Variants in CACNA2D1 observed in about 807,000 individuals in gnomAD.
CACNA2D1 encodes the protein calcium voltage-gated channel auxiliary subunit alpha2delta 1, also known as voltage-dependent calcium channel subunit alpha-2/delta-1.
In CACNA2D1, 53 loss-of-function variants were observed where a neutral mutation model predicts 171.5. The observed-to-expected ratio is 0.31, with a 90% CI of 0.25 to 0.39. The LOEUF is 0.39. CACNA2D1 is among the 10% of genes least tolerant of loss of function. CACNA2D1 has a pLI of 1.00. For missense variants in CACNA2D1, 903 were observed against 1,299.8 expected, an observed-to-expected ratio of 0.69 and a Z score of 4.69; for synonymous variants, 442 against 443.1, an observed-to-expected ratio of 1.00 and a Z score of 0.03.
chr7:82,284,295 A>G (rs564248095), intron 3 of CACNA2D1, among the ~76,000 whole-genome samples: 25 of 152,330 alleles, frequency 1.6e-4, no homozygotes, highest in Non-Finnish European at 3.2e-4. Context: ...AAATATGAGC[A>G]TCACGTATCT....
At chr7:82,118,197 T>A (rs1231821458) in intron 5 of CACNA2D1, among the ~76,000 whole-genome samples, 1 of 152,160 alleles carries the variant, frequency 6.6e-6, no homozygotes, top group African/African-American at 2.4e-5. Context: ...TAATTTTCTA[T>A]CTATTGGAAC....
intron 10 of CACNA2D1, among the ~76,000 whole-genome samples, chr7:82,047,871 G>A (rs562096256): frequency 1.9e-4 from 29 of 152,232 alleles, no homozygotes; most frequent in Middle Eastern, 3.4e-3. Context: ...AACTAAAATC[G>A]GAATGCTGTC....
rs548477886 is a variant in CACNA2D1, at chr7:82,065,630, A to C, written c.728+825T>G. ...TCTAAATACAAGTCTTTGGAATCAA[A>C]CATTATGCTCTTGCAATTTGTCTGA... is the stretch of plus-strand genomic sequence containing the variant. On this transcript the variant is annotated intron_variant, in intron 8 of 38. Coordinates refer to ENST00000356860, the MANE Select transcript of CACNA2D1 (RefSeq NM_000722.4). Among the ~76,000 whole-genome samples the C allele has an allele frequency of 2.3e-4, 35 of 152,334 alleles. 1 individual carries two copies. In the South Asian group the frequency reaches 6.2e-3, roughly 27 times the overall value.
chr7:82,328,533 C>T (rs1816916591), intron 3 of CACNA2D1, among the ~76,000 whole-genome samples: 1 of 152,020 alleles, frequency 6.6e-6, no homozygotes, highest in African/African-American at 2.4e-5. Context: ...TCCTTCTGTC[C>T]CAAGTGAAAT....
chr7:82,197,641 G>A (rs892396296), intron 3 of CACNA2D1, among the ~76,000 whole-genome samples: 3 of 151,994 alleles, frequency 2.0e-5, no homozygotes, highest in Admixed American at 6.6e-5. Flanking sequence ...CATAAATTCT[G>A]TTGTTACGTG....
At chr7:82,352,303 T>C (rs1585615912) in intron 1 of CACNA2D1, among the ~76,000 whole-genome samples, 1 of 152,336 alleles carries the variant, frequency 6.6e-6, no homozygotes, top group African/African-American at 2.4e-5. Context: ...CCATTCATCA[T>C]GAAAGTAAAA....
chr7:82,170,293 G>C (rs193121935), intron 4 of CACNA2D1, among the ~76,000 whole-genome samples: 5 of 151,334 alleles, frequency 3.3e-5, no homozygotes, highest in African/African-American at 1.2e-4. Flanking sequence ...TTTAATTATG[G>C]GAGAACATTT....
chr7:82,390,967 T>C (rs953251580), intron 1 of CACNA2D1, among the ~76,000 whole-genome samples: 1 of 152,078 alleles, frequency 6.6e-6, no homozygotes, highest in African/African-American at 2.4e-5. Flanking sequence ...TTTTTCCCCA[T>C]GAAAAACATA....
intron 3 of CACNA2D1, among the ~76,000 whole-genome samples, chr7:82,257,307 C>G (rs1806422646): frequency 6.6e-6 from 1 of 152,096 alleles, no homozygotes; most frequent in African/African-American, 2.4e-5. Flanking sequence ...GGATTTTGGC[C>G]CCAAGCCCAC....
chr7:82,057,197 T>C (rs951645140), intron 10 of CACNA2D1, among the ~76,000 whole-genome samples: 1 of 152,218 alleles, frequency 6.6e-6, no homozygotes, highest in East Asian at 1.9e-4. Context: ...CATTGGTAGC[T>C]TAAAATTGGT....
At chr7:82,251,167 G>C (rs981216462) in intron 3 of CACNA2D1, among the ~76,000 whole-genome samples, 1 of 152,078 alleles carries the variant, frequency 6.6e-6, no homozygotes, top group Non-Finnish European at 1.5e-5. Flanking sequence ...AGAAGTTACT[G>C]AACAGTATTA....
At chr7:82,374,764 C>A (rs1282910431) in intron 1 of CACNA2D1, among the ~76,000 whole-genome samples, 3 of 144,548 alleles carry the variant, frequency 2.1e-5, no homozygotes, top group African/African-American at 7.6e-5. Context: ...AAAAAAAGAA[C>A]ACACTAAACA....
intron 3 of CACNA2D1, among the ~76,000 whole-genome samples, chr7:82,275,470 C>T (rs913853299): frequency 6.6e-6 from 1 of 152,100 alleles, no homozygotes; most frequent in East Asian, 1.9e-4. Flanking sequence ...GTGAAACCCC[C>T]TATCAGATTG....
intron 5 of CACNA2D1, among the ~76,000 whole-genome samples, chr7:82,128,256 G>A (rs1213268208): frequency 6.6e-6 from 1 of 151,980 alleles, no homozygotes; most frequent in Admixed American, 6.6e-5. Context: ...AGTTTCAAGA[G>A]GAAAATCTGT....
chr7:82,403,774 T>C (rs1292661659), intron 1 of CACNA2D1, among the ~76,000 whole-genome samples: 2 of 152,184 alleles, frequency 1.3e-5, no homozygotes, highest in Non-Finnish European at 2.9e-5. Flanking sequence ...GCAATCCCAG[T>C]GTCCTCCTCA....
At chr7:82,329,693 T>G (rs1817067948) in intron 3 of CACNA2D1, among the ~76,000 whole-genome samples, 1 of 152,206 alleles carries the variant, frequency 6.6e-6, no homozygotes, top group Non-Finnish European at 1.5e-5. Context: ...GATTTGAGAT[T>G]GCTTAAGAAT....
intron 3 of CACNA2D1, among the ~76,000 whole-genome samples, chr7:82,219,828 C>T (rs1268061480): frequency 6.6e-6 from 1 of 152,040 alleles, no homozygotes; most frequent in Non-Finnish European, 1.5e-5. Flanking sequence ...CTGATGAGAA[C>T]AACATTTAAA....
intron 3 of CACNA2D1, among the ~76,000 whole-genome samples, chr7:82,231,701 C>A (rs924770704): frequency 1.3e-5 from 2 of 152,012 alleles, no homozygotes; most frequent in African/African-American, 4.8e-5. Context: ...CTCACCCATC[C>A]CATATGGAAA....
At chr7:82,170,644 G>C (rs760032884) in intron 3 of CACNA2D1, 35 bp from the exon 4 acceptor site, 2 of 1,580,748 alleles carry the variant, frequency 1.3e-6, no homozygotes, top group South Asian at 2.2e-5. Context: ...GAATTCAAAT[G>C]AACACGTAAT....
Sources: gnomAD v4.1 joint callset for allele counts (sites outside exome capture counted in the v4.1 genomes callset) on GRCh38, gnomAD v4.1.1 for gene constraint, MANE v1.5 for transcripts, NCBI Gene and HGNC (gene_info 2026-07-23, HGNC 2026-07-21) for gene names.